The following FANCE variants were observed in gnomAD, a reference collection of about 807,000 sequenced individuals.
FANCE encodes the protein FA complementation group E.
In FANCE, 42 loss-of-function variants were observed where a neutral mutation model predicts 57.8. The observed-to-expected ratio is 0.73, with a 90% confidence interval of 0.57 to 0.94. The LOEUF is 0.94. Ranked by LOEUF, FANCE falls within the 40% of genes least tolerant of loss-of-function variation. FANCE has a pLI of 0.00. For missense variants in FANCE, 608 were observed against 661.8 expected (o/e 0.92, Z 0.89); for synonymous variants, 251 against 286.4 (o/e 0.88, Z 1.25).
rs1356096982 is a variant in FANCE, at chr6:35,466,267, C to A, written c.1533C>A (p.Gly511=). Residue 511 remains glycine, a synonymous_variant, in exon 10 of 10, where the codon GGC becomes GGA. Transcript: ENST00000229769. ...QANITETQRL[G]LAMALEPNTT... ...AGATCACTGAGACCCAGAGGCTGGG[C>A]CTGGCTATGGCCCTAGAACCTAACA... The A allele has an allele frequency of 1.9e-6, 3 of 1,613,136 alleles. No homozygotes were observed. Among genetic ancestry groups the A allele is most frequent in the Non-Finnish European group, 2.5e-6 (3 of 1,179,060 alleles).
At chr6:35,464,234 CTTTTTTTT>C in intron 9 of FANCE, among the ~76,000 whole-genome samples, 1 of 73,014 alleles carries the variant, frequency 1.4e-5, no homozygotes, top group Admixed American at 1.8e-4. Context: ...ACAGGGTCTT[CTTTTTTTT>C]TTTTTTTTTT....
chr6:35,458,472 A>G, intron 5 of FANCE, 32 bp downstream of exon 5: 2 of 1,613,436 alleles, frequency 1.2e-6, no homozygotes, highest in South Asian at 1.1e-5. Flanking sequence ...CAGAGTGCCA[A>G]GGACAATGGG....
In FANCE at chr6:35,466,409, T is replaced by G; in HGVS notation, c.*64T>G. The G allele has an allele frequency of 9.5e-7, 1 of 1,051,598 alleles. No individual in the cohort carries two copies. 65.1% of individuals were successfully genotyped at this position (1,051,598 alleles called of 1,614,324 possible). A position where few individuals can be genotyped will look rare whatever the true frequency, so the allele number is the denominator to read the frequency against. ...CAGCTTCCTGAAGGGCATTTCTTTC[T>G]TCACCACCTTGTCTTGAGCCCTAGC... is the stretch of plus-strand genomic sequence containing the variant. On this transcript the variant is annotated 3_prime_UTR_variant, in exon 10 of 10. Coordinates refer to ENST00000229769, the MANE Select transcript of FANCE (RefSeq NM_021922.3).
Position 35,456,024 on chromosome 6 carries a change from A to G in FANCE, c.526A>G (p.Arg176Gly), listed in dbSNP as rs1767320635. Residue 176 changes from arginine (R) to glycine (G), a missense_variant, in exon 2 of 10, where the codon AGG becomes GGG. Coordinates refer to ENST00000229769, the MANE Select transcript of FANCE (RefSeq NM_021922.3). This position sits in a 1 kb window ranked among gnomAD's most constrained non-coding sequence, Gnocchi z 4.3. ...ATGTAGGGGGCTGGGCCTGGGGGGC[A>G]GGAGGTTGAAATCCCCCCAGGCTCC... is the stretch of plus-strand genomic sequence containing the variant. ...SLCRGLGLGG[R>G]RLKSPQAPDP... 1 of 1,612,804 alleles carries G rather than the reference A, an allele frequency of 6.2e-7. No individual in the cohort carries two copies. Among genetic ancestry groups the G allele is most frequent in the African/African-American group, 1.3e-5 (1 of 74,996 alleles).
Position 35,466,498 on chromosome 6 carries a change from A to G in FANCE, c.*153A>G, listed in dbSNP as rs1767843734. 1.5e-6 allele frequency: 1 copy of G among 687,562 alleles called. No individual in the cohort carries two copies. The highest frequency in any genetic ancestry group is 2.7e-6 in the Non-Finnish European group (1 of 373,754). The allele number at this position is 687,562 out of a possible 1,614,324, so 42.6% of individuals were successfully genotyped here. ...ACTGCCTCCCTGTTACAGGCTGCAT[A>G]GGGAATATTGGCTTCCCAGCCAGCA... On this transcript the variant is annotated 3_prime_UTR_variant, in exon 10 of 10. Transcript: ENST00000229769.
At position 35,456,323 on chromosome 6, in the gene FANCE, T is replaced by G. The variant is rs769693479; in HGVS notation, c.825T>G (p.Ala275=). 6.2e-7 allele frequency: 1 copy of G among 1,614,160 alleles called. No individual in the cohort carries two copies. The highest frequency in any genetic ancestry group is 8.5e-7 in the Non-Finnish European group (1 of 1,180,010). The change falls in exon 2 of 10, where the codon GCT becomes GCG. Residue 275 remains alanine, a synonymous_variant. Transcript: ENST00000229769. This position sits in a 1 kb window ranked among gnomAD's most constrained non-coding sequence, Gnocchi z 4.3. ...GSNLDDAKGL[A]ESLELPKAIQ... ...ATCTGGATGATGCTAAAGGTCTGGC[T>G]GAGAGTTTGGAGTTGCCCAAAGCTA...
intron 5 of FANCE, 24 bp from the exon 6 acceptor site, chr6:35,459,307 T>A (rs1374279008): frequency 6.2e-7 from 1 of 1,613,764 alleles, no homozygotes; most frequent in East Asian, 2.2e-5. Flanking sequence ...AAATAATTAA[T>A]TTTTTCCTCC....
At chr6:35,461,341 A>G (rs1278075539) in intron 8 of FANCE, among the ~76,000 whole-genome samples, 1 of 152,144 alleles carries the variant, frequency 6.6e-6, no homozygotes. Flanking sequence ...TCACAATTTT[A>G]AAAGCTCAAA....
chr6:35,464,889 C>G (rs1159771271), intron 9 of FANCE, among the ~76,000 whole-genome samples: 1 of 151,026 alleles, frequency 6.6e-6, no homozygotes, highest in Admixed American at 6.6e-5. Context: ...CCTGCCAGCA[C>G]GCATGGCTAA....
At chr6:35,466,221 A>T in intron 9 of FANCE, 23 bp from the exon 10 acceptor site, 2 of 1,500,454 alleles carry the variant, frequency 1.3e-6, no homozygotes, top group Non-Finnish European at 1.9e-6. Context: ...TGGAGTCCTG[A>T]CATGATTTTT....
intron 9 of FANCE, among the ~76,000 whole-genome samples, chr6:35,464,806 C>T (rs929109397): frequency 2.7e-5 from 4 of 146,350 alleles, no homozygotes; most frequent in Non-Finnish European, 1.5e-5. Flanking sequence ...GATCTCGGCT[C>T]ACTGCAAGCT....
Position 35,455,760 on chromosome 6 carries a change from C to A in FANCE, c.262C>A (p.Leu88Met). 6.2e-7 allele frequency: 1 copy of A among 1,614,096 alleles called. No individual in the cohort carries two copies. The highest frequency in any genetic ancestry group is 8.5e-7 in the Non-Finnish European group (1 of 1,180,044). ...TCTGCTACCCAGGAAACCACTGTTG[C>A]TGCGATTGCCCCGGATATGCCAGAG... ...DGRLELKPLL[L>M]RLPRICQRNL... The change falls in exon 2 of 10, where the codon CTG (leucine) becomes ATG (methionine). Residue 88 changes from leucine to methionine, a missense_variant. Transcript: ENST00000229769.
chr6:35,454,639 G>A (rs536141306), intron 1 of FANCE, among the ~76,000 whole-genome samples: 2 of 152,226 alleles, frequency 1.3e-5, no homozygotes, highest in Non-Finnish European at 2.9e-5. Flanking sequence ...GGCCTCTGGA[G>A]CTCTGGGGAA....
At chr6:35,459,219 C>T (rs1767486389) in intron 5 of FANCE, 112 bp from the exon 6 acceptor site, 15 of 1,428,958 alleles carry the variant, frequency 1.0e-5, no homozygotes, top group Non-Finnish European at 1.5e-5. Flanking sequence ...AATAAAAGAA[C>T]TTGGTTTTTT....
Position 35,457,639 on chromosome 6 carries a change from A to G in FANCE, c.900+39A>G, listed in dbSNP as rs13214239. 0.52 allele frequency: 839,877 copies of G among 1,608,134 alleles called. 229,052 individuals are homozygous for G. Among genetic ancestry groups the G allele is most frequent in the Admixed American group, 0.59 (35,357 of 59,764 alleles). On this transcript the variant is annotated intron_variant, in intron 3 of 9. Coordinates refer to ENST00000229769, the MANE Select transcript of FANCE (RefSeq NM_021922.3). ...CAGTGCTCACCATAGCCTTTCTTCC[A>G]TCTTCTACCCAGACCCCAACTATGC...
At chr6:35,461,729 G>C (rs911475612) in intron 8 of FANCE, among the ~76,000 whole-genome samples, 33 of 149,640 alleles carry the variant, frequency 2.2e-4, no homozygotes, top group Middle Eastern at 3.6e-3. Flanking sequence ...CTCACTGCAA[G>C]CTCTGCCTCC....
intron 8 of FANCE, 77 bp from the exon 9 acceptor site, chr6:35,462,712 G>A: frequency 1.2e-6 from 2 of 1,600,300 alleles, no homozygotes; most frequent in East Asian, 2.2e-5. Flanking sequence ...GTGGAGTTGG[G>A]AATTGAATCC....
At chr6:35,457,108 G>C (rs746934079) in intron 2 of FANCE, among the ~76,000 whole-genome samples, 1 of 152,006 alleles carries the variant, frequency 6.6e-6, no homozygotes, top group Non-Finnish European at 1.5e-5. Context: ...TTTCAAGATA[G>C]AGACTTCATG....
chr6:35,453,393 G>A (rs1767191419), intron 1 of FANCE, among the ~76,000 whole-genome samples: 1 of 151,512 alleles, frequency 6.6e-6, no homozygotes. Flanking sequence ...ATTTGGTTGT[G>A]TTTCTGTTAT....
Sources: gnomAD v4.1 joint callset for allele counts (sites outside exome capture counted in the v4.1 genomes callset) on GRCh38, gnomAD v4.1.1 for gene constraint, Gnocchi (gnomAD v3.1) non-coding constraint, MANE v1.5 for transcripts, NCBI Gene and HGNC (gene_info 2026-07-23, HGNC 2026-07-21) for gene names.